The following MORC3 variants were observed in gnomAD, a reference collection of about 807,000 sequenced individuals.
The protein encoded by MORC3 is MORC family CW-type zinc finger protein 3.
In MORC3, 31 loss-of-function variants were observed where a neutral mutation model predicts 109.1. The observed-to-expected ratio is 0.28, with a 90% CI of 0.21 to 0.38. The LOEUF is 0.38. Among genes scored for constraint, MORC3 ranks in the 10% least tolerant of loss-of-function variants. MORC3 has a pLI of 1.00. For missense variants in MORC3, 867 were observed against 1,135.8 expected (o/e 0.76, Z 3.40); for synonymous variants, 395 against 380.7 (o/e 1.04, Z -0.44).
intron 6 of MORC3, among the ~76,000 whole-genome samples, chr21:36,343,193 T>G (rs2085469800): frequency 6.6e-6 from 1 of 151,546 alleles, no homozygotes; most frequent in Non-Finnish European, 1.5e-5. Flanking sequence ...CCTCCTGGGT[T>G]CAAGGGATTC....
At chr21:36,360,724 A>G (rs1214225664) in intron 12 of MORC3, 8 of 179,208 alleles carry the variant, frequency 4.5e-5, no homozygotes, top group Non-Finnish European at 8.3e-5. Flanking sequence ...CATTTTTGTA[A>G]TAGGCCTTGA....
chr21:36,325,226 T>TA (rs1433656343), intron 1 of MORC3, among the ~76,000 whole-genome samples: 6 of 152,136 alleles, frequency 3.9e-5, no homozygotes, highest in Admixed American at 6.6e-5. Context: ...AAAGTAATTT[T>TA]AAAAAACGAG....
intron 1 of MORC3, among the ~76,000 whole-genome samples, chr21:36,325,822 A>G (rs1413062009): frequency 6.6e-6 from 1 of 152,206 alleles, no homozygotes; most frequent in Non-Finnish European, 1.5e-5. Context: ...CCCTTTGTCC[A>G]GTGTATCCAC....
chr21:36,321,142 T>A (rs1021703486), intron 1 of MORC3, among the ~76,000 whole-genome samples: 1 of 152,206 alleles, frequency 6.6e-6, no homozygotes, highest in Admixed American at 6.6e-5. Flanking sequence ...AACATTCGAA[T>A]GGGTAGTGAC....
At chr21:36,325,618 C>G (rs1011258127) in intron 1 of MORC3, among the ~76,000 whole-genome samples, 1 of 152,220 alleles carries the variant, frequency 6.6e-6, no homozygotes, top group Non-Finnish European at 1.5e-5. Context: ...TTCTCCAGCA[C>G]CTGACAAACA....
At chr21:36,363,934 G>C (rs542829324) in intron 13 of MORC3, among the ~76,000 whole-genome samples, 159 bp from the exon 14 acceptor site, 1 of 152,154 alleles carries the variant, frequency 6.6e-6, no homozygotes. Flanking sequence ...TAGTTCATTG[G>C]TTTACTTGTT....
intron 1 of MORC3, among the ~76,000 whole-genome samples, chr21:36,328,564 C>T (rs1489449417): frequency 6.6e-6 from 1 of 152,138 alleles, no homozygotes; most frequent in Non-Finnish European, 1.5e-5. Context: ...TGGTCTTGAA[C>T]TCCTAACCTC....
At chr21:36,361,066 C>T (rs1161064204) in intron 12 of MORC3, among the ~76,000 whole-genome samples, 1 of 137,088 alleles carries the variant, frequency 7.3e-6, no homozygotes, top group Non-Finnish European at 1.5e-5. Flanking sequence ...GAGTGAGACT[C>T]TATCTTAAAA....
At chr21:36,370,542 T>G (rs983918190) in intron 15 of MORC3, among the ~76,000 whole-genome samples, 2 of 149,784 alleles carry the variant, frequency 1.3e-5, no homozygotes, top group Non-Finnish European at 3.0e-5. Flanking sequence ...TTTTCTAGAT[T>G]ATGTCTTTCA....
intron 5 of MORC3, chr21:36,339,635 T>G (rs2085417942): frequency 6.6e-6 from 1 of 152,020 alleles, no homozygotes. Flanking sequence ...GTAATATAGG[T>G]GAGATTTTTG....
At chr21:36,372,283 C>A in intron 15 of MORC3, 91 bp from the exon 16 acceptor site, 1 of 1,132,090 alleles carries the variant, frequency 8.8e-7, no homozygotes, top group South Asian at 2.0e-5. Flanking sequence ...ATAATGTTAT[C>A]AAGCAGGTTC....
At chr21:36,356,791 A>G in intron 10 of MORC3, 67 bp downstream of exon 10, 1 of 952,364 alleles carries the variant, frequency 1.1e-6, no homozygotes. Context: ...GAGTAAAGGG[A>G]TTGTACAATG....
At chr21:36,323,783 C>A (rs1427765069) in intron 1 of MORC3, among the ~76,000 whole-genome samples, 1 of 152,046 alleles carries the variant, frequency 6.6e-6, no homozygotes, top group Non-Finnish European at 1.5e-5. Flanking sequence ...TGACAATTTT[C>A]TTCGCACCAT....
chr21:36,373,106 G>C (rs1317398190), intron 16 of MORC3, among the ~76,000 whole-genome samples: 1 of 152,026 alleles, frequency 6.6e-6, no homozygotes, highest in Non-Finnish European at 1.5e-5. Flanking sequence ...TTGGGAGGCT[G>C]AGTTGGGCGG....
intron 6 of MORC3, among the ~76,000 whole-genome samples, chr21:36,342,789 C>T (rs900137211): frequency 1.3e-5 from 2 of 151,754 alleles, no homozygotes; most frequent in African/African-American, 2.4e-5. Flanking sequence ...GAGGCAGAGA[C>T]GGGTGGATCA....
intron 8 of MORC3, among the ~76,000 whole-genome samples, chr21:36,346,123 C>T (rs758822831): frequency 5.1e-4 from 77 of 152,212 alleles, no homozygotes; most frequent in African/African-American, 9.1e-4. Flanking sequence ...CTGGTTCAAG[C>T]GATTCTCGGG....
chr21:36,359,824 AAG>A (rs746873380), intron 10 of MORC3, 129 bp from the exon 11 acceptor site: 160 of 1,344,408 alleles, frequency 1.2e-4, no homozygotes, highest in Non-Finnish European at 1.6e-4. Flanking sequence ...CTAATTTTGA[AAG>A]AGTTACGTCA....
chr21:36,359,243 A>G (rs185478900), intron 10 of MORC3, among the ~76,000 whole-genome samples: 321 of 152,342 alleles, frequency 2.1e-3, no homozygotes, highest in African/African-American at 7.0e-3. Flanking sequence ...CTATTAAGAC[A>G]TAAGTCACAT....
chr21:36,340,834 G>A (rs1475478530), intron 5 of MORC3, among the ~76,000 whole-genome samples: 1 of 151,850 alleles, frequency 6.6e-6, no homozygotes, highest in Non-Finnish European at 1.5e-5. Context: ...ACAGGGTTTT[G>A]CCATATTGAC....
Sources: allele counts gnomAD v4.1 joint callset (sites outside exome capture counted in the v4.1 genomes callset), GRCh38; gene constraint gnomAD v4.1.1; transcripts MANE v1.5; gene names NCBI Gene and HGNC (gene_info 2026-07-23, HGNC 2026-07-21).